The following PTPRG variants were observed in gnomAD, a reference collection of about 807,000 sequenced individuals.
The protein encoded by PTPRG is receptor-type tyrosine-protein phosphatase gamma.
Under a neutral mutation model 165.3 loss-of-function variants are expected in PTPRG, and 102 were observed. The observed-to-expected ratio is 0.62, with a 90% CI of 0.53 to 0.73. The LOEUF (loss-of-function observed/expected upper bound fraction) is 0.73, where lower values mean the gene tolerates loss of function less well. PTPRG is among the 30% of genes least tolerant of loss of function. The pLI is 0.00. For synonymous variants in PTPRG, 675 were observed against 669.5 expected (o/e 1.01, Z -0.13); for missense variants, 1,866 against 1,861.4 (o/e 1.00, Z -0.05).
At chr3:61,609,694 C>CA (rs879848106) in intron 1 of PTPRG, among the ~76,000 whole-genome samples, 3 of 151,858 alleles carry the variant, frequency 2.0e-5, no homozygotes, top group Admixed American at 2.0e-4. Flanking sequence ...GCCCTCTACA[C>CA]AAAATACCAA....
intron 28 of PTPRG, among the ~76,000 whole-genome samples, chr3:62,287,393 T>C (rs1419595715): frequency 6.6e-6 from 1 of 152,152 alleles, no homozygotes; most frequent in African/African-American, 2.4e-5. Flanking sequence ...GCTATCATAA[T>C]AGGGTATTAA....
At chr3:61,738,326 A>ATATATATATG (rs2032837435) in intron 1 of PTPRG, among the ~76,000 whole-genome samples, 2 of 110,710 alleles carry the variant, frequency 1.8e-5, no homozygotes, top group Non-Finnish European at 3.8e-5. Flanking sequence ...ATATATATAT[A>ATATATATATG]TATATATATA....
chr3:61,888,715 CTTA>C (rs1575756172), intron 2 of PTPRG, among the ~76,000 whole-genome samples: 1 of 152,150 alleles, frequency 6.6e-6, no homozygotes, highest in East Asian at 1.9e-4. Flanking sequence ...TCTCTCAATC[CTTA>C]TTCTAAGTTT....
intron 6 of PTPRG, among the ~76,000 whole-genome samples, chr3:62,147,680 G>C (rs934911916): frequency 1.3e-5 from 2 of 152,176 alleles, no homozygotes; most frequent in Non-Finnish European, 2.9e-5. Flanking sequence ...AATAGCTACT[G>C]TGCTTGTTTG....
intron 2 of PTPRG, among the ~76,000 whole-genome samples, chr3:61,798,643 C>G (rs2035134243): frequency 8.3e-6 from 1 of 120,834 alleles, no homozygotes. Flanking sequence ...TTTTTTAAAC[C>G]CTTTGAGTTA....
chr3:61,569,413 A>G (rs1700002685), intron 1 of PTPRG, among the ~76,000 whole-genome samples: 2 of 152,218 alleles, frequency 1.3e-5, no homozygotes, highest in Non-Finnish European at 2.9e-5. Context: ...ATGAGAATGT[A>G]TATAAGGACT....
Position 62,168,122 on chromosome 3 carries a change from C to T in PTPRG, c.992C>T (p.Thr331Ile). Residue 331 changes from threonine (T) to isoleucine (I), a missense_variant, in exon 8 of 30, where the codon ACA becomes ATA. By Grantham distance (89) the Thr-to-Ile change is moderately conservative. This residue lies in a region of PTPRG where 1,452 missense variants were observed against 1,463.0 expected (regional missense o/e 0.99). Transcript: ENST00000474889. ...AVRDSWNHDM[T>I]DFLENPLGTE... The stretch of plus-strand genomic sequence containing the variant: ...CGTGACTCCTGGAACCACGACATGA[C>T]AGACTTCTTAGAAAACCCACTGGGG... 6.2e-7 allele frequency: 1 copy of T among 1,614,090 alleles called. No homozygotes were observed. The highest frequency in any genetic ancestry group is 8.5e-7 in the Non-Finnish European group (1 of 1,179,988).
intron 1 of PTPRG, among the ~76,000 whole-genome samples, chr3:61,645,702 G>C (rs1702182077): frequency 6.6e-6 from 1 of 152,180 alleles, no homozygotes; most frequent in South Asian, 2.1e-4. Flanking sequence ...TACAATCTTT[G>C]TTGGAATTAT....
chr3:62,010,990 AAGCC>A (rs1559744907), intron 4 of PTPRG, among the ~76,000 whole-genome samples: 1 of 152,170 alleles, frequency 6.6e-6, no homozygotes, highest in Non-Finnish European at 1.5e-5. Context: ...AGTGAAAGGA[AAGCC>A]TTCAGCAAAG....
In PTPRG at chr3:61,671,650, T is replaced by C. The variant is rs531023294; in HGVS notation, c.86-77228T>C. 7.5e-3 allele frequency among the ~76,000 whole-genome samples: 1,129 copies of C among 149,646 alleles called. 8 individuals are homozygous for C. Among genetic ancestry groups the C allele is most frequent in the Admixed American group, 0.014 (208 of 15,006 alleles). ...ATCATGGCCCGTTCTCAATGAGCTG[T>C]TGGGTACACCTCGCAGACGGGGTGG... On this transcript the variant is annotated intron_variant, in intron 1 of 29. Coordinates refer to ENST00000474889, the MANE Select transcript of PTPRG (RefSeq NM_002841.4).
At chr3:62,176,116 T>C (rs957703996) in intron 8 of PTPRG, among the ~76,000 whole-genome samples, 3 of 152,170 alleles carry the variant, frequency 2.0e-5, no homozygotes, top group African/African-American at 7.2e-5. Flanking sequence ...GCAGAGGACT[T>C]GCACTGGAGT....
chr3:61,683,718 C>A (rs1230431885), intron 1 of PTPRG, among the ~76,000 whole-genome samples: 5 of 152,174 alleles, frequency 3.3e-5, no homozygotes, highest in African/African-American at 1.2e-4. Context: ...TATGACTTCA[C>A]CGTCACTTGA....
intron 16 of PTPRG, among the ~76,000 whole-genome samples, chr3:62,260,300 AAGATTTCTAG>A (rs1385338687): frequency 1.3e-5 from 2 of 152,192 alleles, no homozygotes; most frequent in East Asian, 3.9e-4. Context: ...AGCAATCTGA[AAGATTTCTAG>A]AAGTTTTGTT....
chr3:61,651,058 T>A (rs1234322239), intron 1 of PTPRG, among the ~76,000 whole-genome samples: 1 of 152,138 alleles, frequency 6.6e-6, no homozygotes. Context: ...ATGTTTATAT[T>A]TTTTTCCTCA....
chr3:61,940,009 C>T (rs2039580345), intron 2 of PTPRG, among the ~76,000 whole-genome samples: 1 of 132,842 alleles, frequency 7.5e-6, no homozygotes, highest in African/African-American at 2.8e-5. Flanking sequence ...CAGTGGCGAC[C>T]TATCTCAGCT....
intron 26 of PTPRG, among the ~76,000 whole-genome samples, chr3:62,280,744 A>C (rs1702402432): frequency 6.6e-6 from 1 of 152,074 alleles, no homozygotes; most frequent in Non-Finnish European, 1.5e-5. Flanking sequence ...AACACCTCGT[A>C]AAGATATTTG....
intron 2 of PTPRG, among the ~76,000 whole-genome samples, chr3:61,859,158 G>A (rs902410328): frequency 2.6e-5 from 4 of 152,008 alleles, no homozygotes; most frequent in Admixed American, 1.3e-4. Flanking sequence ...AAGTATATGT[G>A]CTTTAACTAT....
rs766494103 is a variant in PTPRG at position 62,276,922 on chromosome 3, T to C, written c.3560-50T>C. 2.8e-6 allele frequency: 4 copies of C among 1,408,134 alleles called. No individual in the cohort carries two copies. The South Asian group carries it at 4.7e-5, about 17-fold the overall frequency. The allele number at this position is 1,408,134 out of a possible 1,614,324, so 87.2% of individuals were successfully genotyped here. On this transcript the variant is annotated intron_variant, in intron 24 of 29. Transcript: ENST00000474889. Reference sequence around the variant, plus strand: ...AAATCTCAGAAAGAGCTGTTGGTTCTGTGTGTATAATAAGGCAAATGTGGT... The same window carrying C: ...AAATCTCAGAAAGAGCTGTTGGTTCCGTGTGTATAATAAGGCAAATGTGGT...
chr3:62,043,370 C>T (rs965205900), intron 4 of PTPRG, among the ~76,000 whole-genome samples: 15 of 152,144 alleles, frequency 9.9e-5, no homozygotes, highest in African/African-American at 3.6e-4. Flanking sequence ...CACTAAATGA[C>T]TTTTCTGCCT....
Sources: allele counts gnomAD v4.1 joint callset (sites outside exome capture counted in the v4.1 genomes callset), GRCh38; gene constraint gnomAD v4.1.1; regional missense constraint gnomAD v4.1.1; transcripts MANE v1.5; gene names NCBI Gene and HGNC (gene_info 2026-07-23, HGNC 2026-07-21).